The following KRT72 variants were observed in gnomAD, a reference collection of about 807,000 sequenced individuals.
The protein encoded by KRT72 is keratin, type II cytoskeletal 72.
KRT72 carries 44 observed loss-of-function variants against 44.7 expected under a neutral mutation model. That is an observed-to-expected ratio of 0.98 (90% CI 0.77 to 1.27). The LOEUF (loss-of-function observed/expected upper bound fraction) is 1.27. KRT72 is among the 50% of genes most tolerant of loss of function. The pLI is 0.00. For synonymous variants in KRT72, 302 were observed against 280.4 expected (o/e 1.08, Z -0.77); for missense variants, 736 against 667.1 (o/e 1.10, Z -1.14).
chr12:52,601,070 T>C lies in KRT72; in HGVS notation c.383A>G (p.Gln128Arg). The change falls in exon 1 of 9, where the codon CAG (glutamine) becomes CGG (arginine). Residue 128 changes from glutamine (Q) to arginine (R), a missense_variant. Gln to Arg is a conservative substitution (Grantham distance 43, BLOSUM62 1). Coordinates refer to ENST00000293745, the MANE Select transcript of KRT72 (RefSeq NM_080747.3). ...IQRVRAQERE[Q>R]IKALNNKFAS... Reference sequence around the variant, plus strand: ...GAACTTGTTGTTTAGCGCCTTGATCTGCTCCCGCTCCTGGGCGCGCACCCT... The same window carrying C: ...GAACTTGTTGTTTAGCGCCTTGATCCGCTCCCGCTCCTGGGCGCGCACCCT... 1 of 1,612,594 alleles carries C rather than the reference T, an allele frequency of 6.2e-7. No homozygotes were observed. Among genetic ancestry groups the C allele is most frequent in the Non-Finnish European group, 8.5e-7 (1 of 1,179,548 alleles).
rs778749490 is a variant in KRT72, at chr12:52,592,422, T to C, written c.772A>G (p.Lys258Glu). ...AKVDSLTDEI[K>E]FFKCLYEGEI... The stretch of plus-strand genomic sequence containing the variant: ...CCTTCATAAAGGCACTTGAAGAATT[T>C]AATCTCATCTGTCAAGGAGTCCACC... The change falls in exon 4 of 9, where the codon AAA becomes GAA. Residue 258 changes from lysine to glutamate, a missense_variant. Transcript: ENST00000293745. 2 of 1,613,588 alleles carry C rather than the reference T, an allele frequency of 1.2e-6. No individual in the cohort carries two copies. Among genetic ancestry groups the C allele is most frequent in the Admixed American group, 3.3e-5 (2 of 60,006 alleles).
intron 2 of KRT72, among the ~76,000 whole-genome samples, chr12:52,598,030 T>G (rs139075354): frequency 1.3e-5 from 2 of 152,314 alleles, no homozygotes; most frequent in African/African-American, 4.8e-5. Flanking sequence ...GCATCTCTAG[T>G]TGGGCTCCAG....
At chr12:52,587,370 C>T (rs879330009) in intron 7 of KRT72, among the ~76,000 whole-genome samples, 1 of 152,164 alleles carries the variant, frequency 6.6e-6, no homozygotes, top group Admixed American at 6.5e-5. Context: ...CCCCCACCCA[C>T]AAAAATGCAC....
intron 7 of KRT72, 92 bp from the exon 8 acceptor site, chr12:52,587,072 G>T: frequency 8.2e-7 from 1 of 1,220,606 alleles, no homozygotes; most frequent in Non-Finnish European, 1.2e-6. Flanking sequence ...TCTCCACGCA[G>T]AATGTGCCTT....
chr12:52,590,792 T>C (rs1939975545), intron 6 of KRT72, 44 bp downstream of exon 6: 1 of 1,531,900 alleles, frequency 6.5e-7, no homozygotes, highest in Non-Finnish European at 8.9e-7. Flanking sequence ...GCCCAGATTG[T>C]GACTCAATAA....
chr12:52,599,233 C>T, intron 1 of KRT72, 121 bp from the exon 2 acceptor site: 4 of 894,626 alleles, frequency 4.5e-6, no homozygotes, highest in Non-Finnish European at 5.4e-6. Flanking sequence ...GAAAACAAGG[C>T]TTATCCCGGG....
Position 52,591,489 on chromosome 12 carries a change from T to C in KRT72, c.938A>G (p.Glu313Gly). 6.2e-7 allele frequency: 1 copy of C among 1,613,970 alleles called. No homozygotes were observed. The highest frequency in any genetic ancestry group is 8.5e-7 in the Non-Finnish European group (1 of 1,179,886). ...YEEIALKSKA[E>G]AETLYQTKIQ... is the part of the protein sequence containing the mutation. ...CTTGGTCTGGTACAGGGTCTCAGCC[T>C]CGGCCTTGCTCTTTAGGGCAATCTC... Residue 313 changes from glutamate (E) to glycine (G), a missense_variant, in exon 5 of 9, where the codon GAG (glutamate) becomes GGG (glycine). Coordinates refer to ENST00000293745, the MANE Select transcript of KRT72 (RefSeq NM_080747.3).
At position 52,590,953 on chromosome 12, in the gene KRT72, C is replaced by T; in HGVS notation, c.972G>A (p.Glu324=). 1 of 1,592,644 alleles carries T rather than the reference C, an allele frequency of 6.3e-7. No homozygotes were observed. Among genetic ancestry groups the T allele is most frequent in the Non-Finnish European group, 8.6e-7 (1 of 1,165,176 alleles). The change falls in exon 6 of 9, where the codon GAG becomes GAA. Residue 324 remains glutamate, a synonymous_variant. Coordinates refer to ENST00000293745, the MANE Select transcript of KRT72 (RefSeq NM_080747.3). The part of the protein sequence containing the change: ...AETLYQTKIQ[E]LQVTAGQHGD... ...CATGCTGGCCTGCTGTGACCTGCAG[C>T]TCCTGGATCTGAGGTTGGGTGACAA...
chr12:52,586,784 C>T (rs1338660940), intron 8 of KRT72, among the ~76,000 whole-genome samples, 162 bp downstream of exon 8: 2 of 152,118 alleles, frequency 1.3e-5, no homozygotes, highest in Non-Finnish European at 2.9e-5. Flanking sequence ...CTTCTCCATC[C>T]ACTGCTTCCC....
rs190545811 is a variant in KRT72 at position 52,585,722 on chromosome 12, A to G, written c.*260T>C. On this transcript the variant is annotated 3_prime_UTR_variant, in exon 9 of 9. Transcript: ENST00000293745. ...GGGGCTTGTAGCTGGCCTTGGGGAA[A>G]CATCCTGGGTAAGTGTTGTCTTTGC... is the stretch of plus-strand genomic sequence containing the variant. 37 of 423,790 alleles carry G rather than the reference A, an allele frequency of 8.7e-5. No individual in the cohort carries two copies. In the East Asian group the frequency reaches 1.4e-3, roughly 16 times the overall value. The allele number at this position is 423,790 out of a possible 1,614,324, so 26.3% of individuals were successfully genotyped here. A position where few individuals can be genotyped will look rare whatever the true frequency, so the allele number is the denominator to read the frequency against.
At chr12:52,587,069 G>A (rs902156475) in intron 7 of KRT72, 89 bp from the exon 8 acceptor site, 43 of 1,237,964 alleles carry the variant, frequency 3.5e-5, no homozygotes, top group African/African-American at 3.1e-4. Flanking sequence ...GCCTCTCCAC[G>A]CAGAATGTGC....
intron 2 of KRT72, among the ~76,000 whole-genome samples, chr12:52,598,508 C>T (rs1940294244): frequency 6.6e-6 from 1 of 152,224 alleles, no homozygotes; most frequent in Non-Finnish European, 1.5e-5. Context: ...GCAGCACAGC[C>T]ATGATTCAAC....
intron 1 of KRT72, among the ~76,000 whole-genome samples, chr12:52,600,527 G>T (rs781326234): frequency 1.2e-4 from 18 of 152,178 alleles, no homozygotes; most frequent in Non-Finnish European, 2.9e-5. Context: ...GGAGGTAAAT[G>T]AATCATAGGG....
chr12:52,592,617 G>T, intron 3 of KRT72, 126 bp from the exon 4 acceptor site: 1 of 695,556 alleles, frequency 1.4e-6, no homozygotes, highest in South Asian at 1.8e-5. Context: ...CTCCCTGAGA[G>T]TCCCCTTCAG....
Position 52,586,138 on chromosome 12 carries a change from C to T in KRT72, c.1380G>A (p.Gly460=), listed in dbSNP as rs1382827905. ...VISSTNAGAG[G]AGFSMGFGAS... The stretch of plus-strand genomic sequence containing the variant: ...CGCCAAAGCCCATGCTGAAGCCAGC[C>T]CCTCCTGCCCCAGCATTGGTGCTGC... Residue 460 remains glycine (G), a synonymous_variant, in exon 9 of 9, where the codon GGG becomes GGA. Coordinates refer to ENST00000293745, the MANE Select transcript of KRT72 (RefSeq NM_080747.3). The T allele has an allele frequency of 6.2e-7, 1 of 1,614,088 alleles. No individual in the cohort carries two copies. The highest frequency in any genetic ancestry group is 2.2e-5 in the East Asian group (1 of 44,878).
In KRT72 at chr12:52,593,684, G is replaced by GA. The variant is rs1464113366; in HGVS notation, c.642-733dup. On this transcript the variant is annotated intron_variant, in intron 2 of 8. Coordinates refer to ENST00000293745, the MANE Select transcript of KRT72 (RefSeq NM_080747.3). Reference sequence around the variant, plus strand: ...TACAATGGGATATCATTCAGACTTAGAAAGAAAAAAAATTCTACAATATGC... The same window carrying GA: ...TACAATGGGATATCATTCAGACTTAGAAAAGAAAAAAAATTCTACAATATGC... Among the ~76,000 whole-genome samples, 8 of 53,630 alleles carry GA rather than the reference G, an allele frequency of 1.5e-4. No individual in the cohort carries two copies. In the African/African-American group the frequency reaches 1.9e-3, roughly 13 times the overall value. 35.2% of individuals were successfully genotyped at this position (53,630 alleles called of 152,430 possible).
Position 52,591,604 on chromosome 12 carries a change from T to C in KRT72, c.823A>G (p.Ile275Val), listed in dbSNP as rs763669688. 2.5e-6 allele frequency: 4 copies of C among 1,613,402 alleles called. No individual in the cohort carries two copies. In the African/African-American group the frequency reaches 4.0e-5, roughly 16 times the overall value. The part of the protein sequence containing the change: ...EGEITQIQSH[I>V]SDTSIVLSMD... Reference sequence around the variant, plus strand: ...GACAGGACGATGGACGTGTCGCTGATGTGGGACTGGATCTGAGTGATCTCC... The same window carrying C: ...GACAGGACGATGGACGTGTCGCTGACGTGGGACTGGATCTGAGTGATCTCC... Residue 275 changes from isoleucine (I) to valine (V), a missense_variant, in exon 5 of 9, where the codon ATC becomes GTC. Physicochemically the swap from Ile to Val is conservative, Grantham distance 29 (BLOSUM62 3). Transcript: ENST00000293745.
chr12:52,590,622 G>T (rs1565616405), intron 6 of KRT72, among the ~76,000 whole-genome samples: 1 of 152,090 alleles, frequency 6.6e-6, no homozygotes, highest in Non-Finnish European at 1.5e-5. Flanking sequence ...CTTCCCTGGG[G>T]TCCTCATTCA....
Position 52,585,859 on chromosome 12 carries a change from A to G in KRT72, c.*123T>C. On this transcript the variant is annotated 3_prime_UTR_variant, in exon 9 of 9. Transcript: ENST00000293745. Reference sequence around the variant, plus strand: ...ACCTTGAGGACAACAGGGAGAGGAAATGGGGTTGGGACTGTAGTGACAGAC... The same window carrying G: ...ACCTTGAGGACAACAGGGAGAGGAAGTGGGGTTGGGACTGTAGTGACAGAC... 1.2e-6 allele frequency: 1 copy of G among 860,124 alleles called. No individual in the cohort carries two copies. The highest frequency in any genetic ancestry group is 1.9e-6 in the Non-Finnish European group (1 of 539,852). 53.3% of individuals were successfully genotyped at this position (860,124 alleles called of 1,614,324 possible).
Sources: gnomAD v4.1 joint callset for allele counts (sites outside exome capture counted in the v4.1 genomes callset) on GRCh38, gnomAD v4.1.1 for gene constraint, MANE v1.5 for transcripts, NCBI Gene and HGNC (gene_info 2026-07-23, HGNC 2026-07-21) for gene names.